YES1: variants seen among roughly 807,000 people sequenced by gnomAD.
YES1 encodes the protein tyrosine-protein kinase Yes.
YES1 carries 39 observed loss-of-function variants against 70.4 expected under a neutral mutation model. That is an observed-to-expected ratio of 0.55 (90% CI 0.43 to 0.72). YES1 has a LOEUF of 0.72. Ranked by LOEUF, YES1 falls within the 30% of genes least tolerant of loss-of-function variation. YES1 has a pLI of 0.00. For missense variants in YES1, 495 were observed against 644.8 expected (o/e 0.77, Z 2.52); for synonymous variants, 198 against 218.6 (o/e 0.91, Z 0.83).
rs111790871 is a variant in YES1 at position 775,805 on chromosome 18, TA to T, written c.-8-18971del. Among the ~76,000 whole-genome samples the T allele has an allele frequency of 6.5e-4, 96 of 146,880 alleles. 1 individual carries two copies. The highest frequency in any genetic ancestry group is 1.4e-3 in the African/African-American group (58 of 40,174). On this transcript the variant is annotated intron_variant, in intron 1 of 11. Coordinates refer to ENST00000314574, the MANE Select transcript of YES1 (RefSeq NM_005433.4). Reference sequence around the variant, plus strand: ...GAGTGAGAACTTGCCTCAAATAAATTAAAAAAAAAAATAGAATCATATATAA... The same window carrying T: ...GAGTGAGAACTTGCCTCAAATAAATTAAAAAAAAAATAGAATCATATATAA...
intron 2 of YES1, among the ~76,000 whole-genome samples, chr18:755,600 T>C (rs1336179340): frequency 6.6e-6 from 1 of 152,024 alleles, no homozygotes. Flanking sequence ...GACAAATGTA[T>C]AGTCAGTCTA....
chr18:746,344 C>A (rs571767119), intron 4 of YES1, among the ~76,000 whole-genome samples: 1 of 152,110 alleles, frequency 6.6e-6, no homozygotes, highest in Non-Finnish European at 1.5e-5. Context: ...AAATAACAGA[C>A]CCTTTCTGTC....
chr18:732,371 C>CAG (rs138975876), intron 11 of YES1, among the ~76,000 whole-genome samples: 17,433 of 139,884 alleles, frequency 0.12, 1,155 homozygotes, highest in East Asian at 0.29. Flanking sequence ...ACCCGGGAGA[C>CAG]AGGTTGCAGT....
intron 1 of YES1, among the ~76,000 whole-genome samples, chr18:784,351 G>A (rs1259918080): frequency 2.0e-5 from 3 of 152,184 alleles, no homozygotes; most frequent in South Asian, 2.1e-4. Flanking sequence ...TACAGATGAG[G>A]AAACTAAGGC....
rs143475785 is a variant in YES1, at chr18:747,946, C to T, written c.444G>A (p.Ala148=). The T allele has an allele frequency of 7.0e-5, 113 of 1,613,610 alleles. No individual in the cohort carries two copies. The highest frequency in any genetic ancestry group is 1.8e-4 in the South Asian group (16 of 91,076). ...CTTCTGCCTGAATGGAATCTGCAGGCGCTACATAATTGCTCGGGATATAAC... is the reference window on the plus strand; with the variant it reads ...CTTCTGCCTGAATGGAATCTGCAGGTGCTACATAATTGCTCGGGATATAAC... ...KNGYIPSNYV[A]PADSIQAEEW... is the part of the protein sequence containing the mutation. Residue 148 remains alanine, a synonymous_variant, in exon 4 of 12, where the codon GCG becomes GCA. Transcript: ENST00000314574.
At chr18:743,932 T>C (rs963250672) in intron 6 of YES1, among the ~76,000 whole-genome samples, 18 of 148,946 alleles carry the variant, frequency 1.2e-4, no homozygotes, top group African/African-American at 3.7e-4. Flanking sequence ...TATATATATA[T>C]ACATGTTATT....
chr18:759,197 T>C (rs1363534677), intron 1 of YES1, among the ~76,000 whole-genome samples: 1 of 152,218 alleles, frequency 6.6e-6, no homozygotes, highest in Non-Finnish European at 1.5e-5. Context: ...CTAGGCGCGG[T>C]GGCTCACGCC....
Position 736,812 on chromosome 18 carries a change from T to C in YES1, c.1287A>G (p.Arg429=), listed in dbSNP as rs772890030. ...TTTATGTAAAAGTAATTTTACCTTG[T>C]CTTGCTGTGTATTCATTGTCTTCAA... is the stretch of plus-strand genomic sequence containing the variant. ...RLIEDNEYTA[R]QGAKFPIKWT... Residue 429 remains arginine, a synonymous_variant, in exon 10 of 12, where the codon AGA becomes AGG. Coordinates refer to ENST00000314574, the MANE Select transcript of YES1 (RefSeq NM_005433.4). 3 of 1,610,680 alleles carry C rather than the reference T, an allele frequency of 1.9e-6. No individual in the cohort carries two copies. Among genetic ancestry groups the C allele is most frequent in the South Asian group, 2.2e-5 (2 of 90,458 alleles).
At chr18:809,499 C>T (rs1437948358) in intron 1 of YES1, among the ~76,000 whole-genome samples, 4 of 152,116 alleles carry the variant, frequency 2.6e-5, no homozygotes, top group Non-Finnish European at 5.9e-5. Context: ...TGGGGTTTCA[C>T]CACGTTGGCC....
rs887666180 is a variant in YES1 at position 736,666 on chromosome 18, T to C, written c.1291+142A>G. ...ACTATCAGAAAGCCACAGCAGTACATGATTTTATGAATGAAATCAATGTCT... is the reference window on the plus strand; with the variant it reads ...ACTATCAGAAAGCCACAGCAGTACACGATTTTATGAATGAAATCAATGTCT... On this transcript the variant is annotated intron_variant, in intron 10 of 11. Transcript: ENST00000314574. The C allele has an allele frequency of 5.2e-6, 6 of 1,155,122 alleles. No homozygotes were observed. The African/African-American group carries it at 9.4e-5, about 18-fold the overall frequency. 71.6% of individuals were successfully genotyped at this position (1,155,122 alleles called of 1,614,324 possible).
In YES1 at chr18:776,205, T is replaced by G. The variant is rs1470436755; in HGVS notation, c.-8-19370A>C. ...ATACTTGGTATACTCGATCTTTTTT[T>G]TTTTTTGAGATGGAGTCTCCCTCTG... is the stretch of plus-strand genomic sequence containing the variant. On this transcript the variant is annotated intron_variant, in intron 1 of 11. Transcript: ENST00000314574. Among the ~76,000 whole-genome samples the G allele has an allele frequency of 2.6e-5, 4 of 151,936 alleles. No homozygotes were observed. In the East Asian group the frequency reaches 7.7e-4, roughly 29 times the overall value.
Position 748,522 on chromosome 18 carries a change from C to T in YES1, c.372-504G>A, listed in dbSNP as rs546488108. On this transcript the variant is annotated intron_variant, in intron 3 of 11. Coordinates refer to ENST00000314574, the MANE Select transcript of YES1 (RefSeq NM_005433.4). ...ATCACCCCCAAAAGAAACTCTGTAC[C>T]CATTAGCAGTCACTCTGCACCCCCA... 1.1e-4 allele frequency among the ~76,000 whole-genome samples: 17 copies of T among 152,098 alleles called. 1 individual carries two copies. The highest frequency in any genetic ancestry group is 1.0e-3 in the South Asian group (5 of 4,808).
chr18:728,766 C>G (rs2080051307), intron 11 of YES1, among the ~76,000 whole-genome samples: 1 of 152,178 alleles, frequency 6.6e-6, no homozygotes, highest in Non-Finnish European at 1.5e-5. Flanking sequence ...CCTCGTGATC[C>G]ACTGGCCTCG....
chr18:725,151 T>A (rs1011269038), intron 11 of YES1, among the ~76,000 whole-genome samples: 2 of 152,184 alleles, frequency 1.3e-5, no homozygotes, highest in African/African-American at 4.8e-5. Context: ...TTACACATAG[T>A]TCCTTTCTTG....
intron 1 of YES1, among the ~76,000 whole-genome samples, chr18:794,654 C>G (rs1906445780): frequency 6.6e-6 from 1 of 152,182 alleles, no homozygotes; most frequent in Admixed American, 6.5e-5. Context: ...TATGCTCCCC[C>G]TGACACTCTG....
chr18:780,998 G>A (rs1240868638), intron 1 of YES1, among the ~76,000 whole-genome samples: 1 of 152,164 alleles, frequency 6.6e-6, no homozygotes, highest in Non-Finnish European at 1.5e-5. Context: ...GCCAGGGGCG[G>A]TGGCTCACGC....
intron 1 of YES1, among the ~76,000 whole-genome samples, chr18:767,261 TATCTC>T (rs1904955344): frequency 6.6e-6 from 1 of 152,190 alleles, no homozygotes. Flanking sequence ...GACATCCTCT[TATCTC>T]AGCCTTCTGA....
Position 724,251 on chromosome 18 carries a change from G to A in YES1, c.*173C>T. The A allele has an allele frequency of 1.6e-6, 1 of 618,978 alleles. No homozygotes were observed. The highest frequency in any genetic ancestry group is 2.8e-6 in the Non-Finnish European group (1 of 355,984). 38.3% of individuals were successfully genotyped at this position (618,978 alleles called of 1,614,324 possible). On this transcript the variant is annotated 3_prime_UTR_variant, in exon 12 of 12. Coordinates refer to ENST00000314574, the MANE Select transcript of YES1 (RefSeq NM_005433.4). ...TGATAAATTCATCATTGGTACATTA[G>A]AGTTTAATACTTGGGGAAAAAAAAG...
chr18:772,478 G>T (rs951296967), intron 1 of YES1, among the ~76,000 whole-genome samples: 1 of 151,310 alleles, frequency 6.6e-6, no homozygotes, highest in Non-Finnish European at 1.5e-5. Context: ...TGTCACCCAG[G>T]CTAGAGTGCA....
Sources: gnomAD v4.1 joint callset for allele counts (sites outside exome capture counted in the v4.1 genomes callset) on GRCh38, gnomAD v4.1.1 for gene constraint, MANE v1.5 for transcripts, NCBI Gene and HGNC (gene_info 2026-07-23, HGNC 2026-07-21) for gene names.